PHF20: variants seen among roughly 807,000 people sequenced by gnomAD.
The protein encoded by PHF20 is PHD finger protein 20.
Under a neutral mutation model 113.5 loss-of-function variants are expected in PHF20, and 23 were observed. That is an observed-to-expected ratio of 0.20 (90% CI 0.15 to 0.29). The LOEUF is 0.29. Ranked by LOEUF, PHF20 falls within the 10% of genes least tolerant of loss-of-function variation. The pLI is 1.00. For synonymous variants in PHF20, 434 were observed against 457.3 expected, an observed-to-expected ratio of 0.95 and a Z score of 0.65; for missense variants, 943 against 1,219.6, an observed-to-expected ratio of 0.77 and a Z score of 3.38.
chr20:35,820,522 C>T (rs538585354), intron 2 of PHF20, among the ~76,000 whole-genome samples: 18 of 149,044 alleles, frequency 1.2e-4, no homozygotes, highest in Non-Finnish European at 2.1e-4. Flanking sequence ...GATCTTGGCT[C>T]ACTGCAAGCT....
chr20:35,922,833 T>C (rs554311363), intron 13 of PHF20, among the ~76,000 whole-genome samples: 8 of 152,316 alleles, frequency 5.3e-5, no homozygotes, highest in African/African-American at 1.4e-4. Context: ...TTCACCTGTA[T>C]GGTTGGCTGC....
rs536607966 is a variant in PHF20 at position 35,800,711 on chromosome 20, C to T, written c.-32-780C>T. On this transcript the variant is annotated intron_variant, in intron 1 of 17. Coordinates refer to ENST00000374012, the MANE Select transcript of PHF20 (RefSeq NM_016436.5). Reference sequence around the variant, plus strand: ...GCTTGAACCTGGGAGGTGGAGGATACGGTGAGCTGAGATGGCACCACTGCA... The same window carrying T: ...GCTTGAACCTGGGAGGTGGAGGATATGGTGAGCTGAGATGGCACCACTGCA... Among the ~76,000 whole-genome samples the T allele has an allele frequency of 6.6e-5, 10 of 152,132 alleles. No homozygotes were observed. In the South Asian group the frequency reaches 1.0e-3, roughly 16 times the overall value.
At position 35,862,028 on chromosome 20, in the gene PHF20, T is replaced by A. The variant is rs568235925; in HGVS notation, c.421-985T>A. On this transcript the variant is annotated intron_variant, in intron 5 of 17. Transcript: ENST00000374012. ...ATTATAGTTTTGGAATCTCTAGAGC[T>A]TTCAGACCTGGCCTTATTATGAAAC... 2.6e-4 allele frequency among the ~76,000 whole-genome samples: 39 copies of A among 152,308 alleles called. No homozygotes were observed. In the South Asian group the frequency reaches 7.9e-3, roughly 31 times the overall value.
At chr20:35,818,783 T>A (rs924156941) in intron 2 of PHF20, among the ~76,000 whole-genome samples, 1 of 152,050 alleles carries the variant, frequency 6.6e-6, no homozygotes. Context: ...GTGATCTTCC[T>A]ACCTTGGCCT....
At chr20:35,855,302 A>C (rs773339278) in intron 4 of PHF20, 36 of 1,299,940 alleles carry the variant, frequency 2.8e-5, no homozygotes, top group East Asian at 4.8e-5. Flanking sequence ...GTAAGTACTC[A>C]TAAGTCATTG....
At chr20:35,898,923 A>G (rs1269651476) in intron 9 of PHF20, among the ~76,000 whole-genome samples, 2 of 151,880 alleles carry the variant, frequency 1.3e-5, no homozygotes, top group Non-Finnish European at 2.9e-5. Context: ...TTTCTTTTGT[A>G]TTTTTAATAA....
intron 6 of PHF20, among the ~76,000 whole-genome samples, chr20:35,866,945 C>G (rs1184276627): frequency 6.6e-6 from 1 of 152,190 alleles, no homozygotes; most frequent in African/African-American, 2.4e-5. Flanking sequence ...CAGATTCCAG[C>G]CATGCCTCAG....
At chr20:35,847,716 G>A (rs1054127804) in intron 4 of PHF20, among the ~76,000 whole-genome samples, 6 of 152,258 alleles carry the variant, frequency 3.9e-5, no homozygotes, top group Admixed American at 3.9e-4. Context: ...GCAGGTACTT[G>A]CTGTCTAGGA....
chr20:35,849,477 A>C (rs1402593927), intron 4 of PHF20: 1 of 467,998 alleles, frequency 2.1e-6, no homozygotes, highest in East Asian at 7.1e-5. Flanking sequence ...GGTGCAGGTT[A>C]ATCATGGTAG....
At chr20:35,898,560 G>C (rs189290362) in intron 9 of PHF20, among the ~76,000 whole-genome samples, 1 of 151,928 alleles carries the variant, frequency 6.6e-6, no homozygotes, top group East Asian at 1.9e-4. Flanking sequence ...TCAGCCTCCC[G>C]AATAGCTAGA....
At chr20:35,900,072 G>A (rs1471741505) in intron 10 of PHF20, among the ~76,000 whole-genome samples, 1 of 152,196 alleles carries the variant, frequency 6.6e-6, no homozygotes, top group African/African-American at 2.4e-5. Flanking sequence ...GGGTCCAAAT[G>A]TGAATCCTGT....
chr20:35,826,368 C>A (rs762997941), intron 2 of PHF20, among the ~76,000 whole-genome samples: 1 of 152,104 alleles, frequency 6.6e-6, no homozygotes, highest in Non-Finnish European at 1.5e-5. Context: ...AAGTGAGACC[C>A]ATCAGCATGT....
intron 9 of PHF20, 36 bp downstream of exon 9, chr20:35,871,865 A>G (rs781381572): frequency 3.2e-5 from 47 of 1,473,974 alleles, no homozygotes; most frequent in East Asian, 1.2e-4. Flanking sequence ...CTCTTTTTAT[A>G]TACACTTTTG....
At chr20:35,902,866 C>A (rs1468817297) in intron 10 of PHF20, among the ~76,000 whole-genome samples, 1 of 152,106 alleles carries the variant, frequency 6.6e-6, no homozygotes, top group Non-Finnish European at 1.5e-5. Flanking sequence ...TCTGAATACA[C>A]AGTCTCTTTA....
Position 35,863,180 on chromosome 20 carries a change from A to G in PHF20, c.588A>G (p.Lys196=), listed in dbSNP as rs149261687. The G allele has an allele frequency of 1.9e-6, 3 of 1,613,478 alleles. No homozygotes were observed. The African/African-American group carries it at 4.0e-5, about 22-fold the overall frequency. The change falls in exon 6 of 18, where the codon AAA becomes AAG. Residue 196 remains lysine, a synonymous_variant. Transcript: ENST00000374012. ...KTEKRPKQPD[K]EGKLICSEKG... ...AAAAGCGACCCAAGCAGCCTGATAAAGAAGGAAAGTTAATCTGTTCTGAAA... is the reference window on the plus strand; with the variant it reads ...AAAAGCGACCCAAGCAGCCTGATAAGGAAGGAAAGTTAATCTGTTCTGAAA...
chr20:35,881,610 T>C (rs1437819273), intron 9 of PHF20, among the ~76,000 whole-genome samples: 1 of 152,060 alleles, frequency 6.6e-6, no homozygotes, highest in Non-Finnish European at 1.5e-5. Flanking sequence ...TCTTCTACAT[T>C]ACCACAGTAT....
chr20:35,850,968 A>G, intron 4 of PHF20: 1 of 443,376 alleles, frequency 2.3e-6, no homozygotes, highest in Admixed American at 2.9e-5. Context: ...TAATTTTTGC[A>G]TTTGTAGGAG....
intron 2 of PHF20, among the ~76,000 whole-genome samples, chr20:35,817,248 G>A (rs749249232): frequency 2.0e-5 from 3 of 151,500 alleles, no homozygotes; most frequent in East Asian, 2.0e-4. Flanking sequence ...GTGCAATGGC[G>A]TGATCTCAGC....
At chr20:35,935,596 G>A (rs2147121951) in intron 15 of PHF20, among the ~76,000 whole-genome samples, 1 of 152,230 alleles carries the variant, frequency 6.6e-6, no homozygotes, top group East Asian at 1.9e-4. Flanking sequence ...CGAACTCCTG[G>A]GCTCAAGTGC....
Sources: allele counts gnomAD v4.1 joint callset (sites outside exome capture counted in the v4.1 genomes callset), GRCh38; gene constraint gnomAD v4.1.1; transcripts MANE v1.5; gene names NCBI Gene and HGNC (gene_info 2026-07-23, HGNC 2026-07-21).